Variants in PSMC1 observed in about 807,000 individuals in gnomAD.
The protein encoded by PSMC1 is proteasome 26S subunit, ATPase 1.
A neutral mutation model predicts 49.8 loss-of-function variants in PSMC1; 5 were observed. That is an observed-to-expected ratio of 0.10 (90% CI 0.05 to 0.21). PSMC1 has a LOEUF of 0.21. Among genes scored for constraint, PSMC1 ranks in the 10% least tolerant of loss-of-function variants. PSMC1 has a pLI of 1.00. For missense variants in PSMC1, 181 were observed against 535.7 expected (o/e 0.34, Z 6.54); for synonymous variants, 155 against 192.1 (o/e 0.81, Z 1.60).
At chr14:90,257,906 C>T (rs1354859355) in intron 1 of PSMC1, among the ~76,000 whole-genome samples, 1 of 152,158 alleles carries the variant, frequency 6.6e-6, no homozygotes, top group East Asian at 1.9e-4. Context: ...AGGTCTTATA[C>T]GGATTTCTGG....
rs1891780688 is a variant in PSMC1, at chr14:90,275,333, T to C, written c.*2926T>C. ...TCTGTATCGTGGGCGGGTAGCAGAC[T>C]CTCAGCAACTGACTCACACGGTTCA... On this transcript the variant is annotated 3_prime_UTR_variant, in exon 11 of 11. Coordinates refer to ENST00000261303, the MANE Select transcript of PSMC1 (RefSeq NM_002802.3). 1.3e-5 allele frequency: 2 copies of C among 152,130 alleles called. No individual in the cohort carries two copies. The highest frequency in any genetic ancestry group is 1.3e-4 in the Admixed American group (2 of 15,272). The allele number at this position is 152,130 out of a possible 1,614,324, so 9.4% of individuals were successfully genotyped here.
intron 8 of PSMC1, chr14:90,269,087 C>T (rs1328502559): frequency 8.3e-6 from 2 of 242,038 alleles, no homozygotes; most frequent in African/African-American, 4.5e-5. Context: ...TGTATAAGGC[C>T]TTTTTCTCTT....
At chr14:90,259,313 A>G (rs1891351699) in intron 2 of PSMC1, 100 bp downstream of exon 2, 1 of 1,101,136 alleles carries the variant, frequency 9.1e-7, no homozygotes. Flanking sequence ...TTTAAAAAGT[A>G]GAATGATCCA....
rs1206866308 is a variant in PSMC1, at chr14:90,274,838, A to ACC, written c.*2434_*2435dup. The ACC allele has an allele frequency of 0.016, 1,046 of 67,148 alleles. 19 individuals are homozygous for ACC. Among genetic ancestry groups the ACC allele is most frequent in the East Asian group, 0.035 (102 of 2,954 alleles). The allele number at this position is 67,148 out of a possible 1,614,324, so 4.2% of individuals were successfully genotyped here. A position where few individuals can be genotyped will look rare whatever the true frequency, so the allele number is the denominator to read the frequency against. ...CACACACACACACACACACACACAC[A>ACC]CCCCAATACATATGAATTGATCTGA... On this transcript the variant is annotated 3_prime_UTR_variant, in exon 11 of 11. Coordinates refer to ENST00000261303, the MANE Select transcript of PSMC1 (RefSeq NM_002802.3).
chr14:90,260,048 GAAAT>G, intron 2 of PSMC1, 63 bp from the exon 3 acceptor site: 2 of 983,348 alleles, frequency 2.0e-6, no homozygotes, highest in African/African-American at 1.6e-5. Context: ...TGGTGGTACA[GAAAT>G]AAATGTGTGT....
At position 90,274,562 on chromosome 14, in the gene PSMC1, A is replaced by C. The variant is rs1415550661; in HGVS notation, c.*2155A>C. 1 of 152,100 alleles carries C rather than the reference A, an allele frequency of 6.6e-6. No individual in the cohort carries two copies. The highest frequency in any genetic ancestry group is 1.5e-5 in the Non-Finnish European group (1 of 68,070). The allele number at this position is 152,100 out of a possible 1,614,324, so 9.4% of individuals were successfully genotyped here. On this transcript the variant is annotated 3_prime_UTR_variant, in exon 11 of 11. Coordinates refer to ENST00000261303, the MANE Select transcript of PSMC1 (RefSeq NM_002802.3). ...CTGCTAAAAGTATTATTCTCCACTA[A>C]AAGGAGTGAGGGCTGATTCCGGGGC...
intron 3 of PSMC1, among the ~76,000 whole-genome samples, chr14:90,261,739 T>C (rs892878518): frequency 6.6e-6 from 1 of 151,972 alleles, no homozygotes; most frequent in Admixed American, 6.6e-5. Flanking sequence ...TGGAAGACAG[T>C]GTGGCGATTC....
intron 2 of PSMC1, 59 bp downstream of exon 2, chr14:90,259,272 C>G (rs1286058175): frequency 2.0e-6 from 3 of 1,533,208 alleles, no homozygotes; most frequent in Admixed American, 3.5e-5. Flanking sequence ...TCATGGGTCT[C>G]GGCTGAGAAG....
rs184857966 is a variant in PSMC1, at chr14:90,275,079, G to A, written c.*2672G>A. ...GCCAAAGATGCTTAGCCTGAATCCA[G>A]TGCTGAGGAAACACCAGGCAAACAC... On this transcript the variant is annotated 3_prime_UTR_variant, in exon 11 of 11. Coordinates refer to ENST00000261303, the MANE Select transcript of PSMC1 (RefSeq NM_002802.3). The A allele has an allele frequency of 8.5e-5, 13 of 152,340 alleles. No individual in the cohort carries two copies. The East Asian group carries it at 2.3e-3, about 27-fold the overall frequency. 9.4% of individuals were successfully genotyped at this position (152,340 alleles called of 1,614,324 possible).
At chr14:90,264,938 A>T in intron 6 of PSMC1, 132 bp from the exon 7 acceptor site, 1 of 718,644 alleles carries the variant, frequency 1.4e-6, no homozygotes, top group Non-Finnish European at 2.4e-6. Context: ...ATAGAAATCA[A>T]GCACATTGTC....
intron 1 of PSMC1, among the ~76,000 whole-genome samples, chr14:90,257,243 G>A (rs1891312463): frequency 6.6e-6 from 1 of 152,176 alleles, no homozygotes; most frequent in Non-Finnish European, 1.5e-5. Flanking sequence ...GCTAGCTTCT[G>A]TTGTAGACAC....
chr14:90,265,025 G>C (rs755009972), intron 6 of PSMC1, 45 bp from the exon 7 acceptor site: 1 of 1,368,022 alleles, frequency 7.3e-7, no homozygotes, highest in Non-Finnish European at 1.0e-6. Context: ...TAGTAAATAT[G>C]CTAATAATTT....
chr14:90,263,345 A>C lies in PSMC1; in HGVS notation c.182A>C (p.Lys61Thr). The C allele has an allele frequency of 6.3e-7, 1 of 1,596,340 alleles. No homozygotes were observed. Among genetic ancestry groups the C allele is most frequent in the Non-Finnish European group, 8.5e-7 (1 of 1,172,916 alleles). Residue 61 changes from lysine (K) to threonine (T), a missense_variant, in exon 4 of 11, where the codon AAA becomes ACA. By Grantham distance (78) the Lys-to-Thr change is moderately conservative. Transcript: ENST00000261303. ...ACACCTCACACTCAGTGCCGGTTAA[A>C]ATTACTGAAGTTAGAGAGAATTAAA... is the stretch of plus-strand genomic sequence containing the variant. ...LVTPHTQCRLKLLKLERIKDY... is the reference protein window; with the variant it reads ...LVTPHTQCRLTLLKLERIKDY...
chr14:90,261,549 T>A (rs1891397908), intron 3 of PSMC1, among the ~76,000 whole-genome samples: 2 of 152,094 alleles, frequency 1.3e-5, no homozygotes, highest in Non-Finnish European at 2.9e-5. Flanking sequence ...TTATTTAATA[T>A]AAAAGGCATT....
At chr14:90,261,264 A>C (rs915846234) in intron 3 of PSMC1, among the ~76,000 whole-genome samples, 2 of 152,190 alleles carry the variant, frequency 1.3e-5, no homozygotes, top group South Asian at 4.1e-4. Context: ...TTTAGGCTTC[A>C]GCTCAAATAC....
At chr14:90,266,323 G>T (rs1891513270) in intron 7 of PSMC1, among the ~76,000 whole-genome samples, 1 of 152,070 alleles carries the variant, frequency 6.6e-6, no homozygotes, top group Non-Finnish European at 1.5e-5. Context: ...TCAGGACTTA[G>T]AAGTTCATTG....
chr14:90,265,066 A>T lies in PSMC1; in HGVS notation c.595-4A>T. 6.2e-7 allele frequency: 1 copy of T among 1,601,828 alleles called. No homozygotes were observed. The highest frequency in any genetic ancestry group is 8.5e-7 in the Non-Finnish European group (1 of 1,169,978). On this transcript the variant is annotated splice_polypyrimidine_tract_variant and splice_region_variant and intron_variant, in intron 6 of 10. Coordinates refer to ENST00000261303, the MANE Select transcript of PSMC1 (RefSeq NM_002802.3). ...AAGCCTTTCATTCATACTGTTTTTC[A>T]TAGGAATCTGTGGAGCTTCCTCTCA...
intron 6 of PSMC1, 137 bp from the exon 7 acceptor site, chr14:90,264,933 A>G: frequency 1.4e-6 from 1 of 704,688 alleles, no homozygotes; most frequent in South Asian, 1.7e-5. Flanking sequence ...TGCTAATAGA[A>G]ATCAAGCACA....
At chr14:90,265,454 G>A (rs1448165990) in intron 7 of PSMC1, among the ~76,000 whole-genome samples, 2 of 152,080 alleles carry the variant, frequency 1.3e-5, no homozygotes, top group African/African-American at 2.4e-5. Context: ...ACTTTGGGAG[G>A]CAGAGGCGGG....
Sources: allele counts gnomAD v4.1 joint callset (sites outside exome capture counted in the v4.1 genomes callset), GRCh38; gene constraint gnomAD v4.1.1; transcripts MANE v1.5; gene names NCBI Gene and HGNC (gene_info 2026-07-23, HGNC 2026-07-21).